The following MME variants were observed in gnomAD, a reference collection of about 807,000 sequenced individuals.
The protein encoded by MME is neprilysin.
MME carries 98 observed loss-of-function variants against 113.2 expected under a neutral mutation model. The observed-to-expected ratio is 0.87, with a 90% CI of 0.74 to 1.02. The LOEUF is 1.02. Ranked by LOEUF, MME falls within the 50% of genes least tolerant of loss-of-function variation. The pLI is 0.00. For synonymous variants in MME, 292 were observed against 300.6 expected (o/e 0.97, Z 0.30); for missense variants, 836 against 896.0 (o/e 0.93, Z 0.86).
At chr3:155,056,567 C>T (rs1713935613) in intron 1 of MME, among the ~76,000 whole-genome samples, 2 of 150,100 alleles carry the variant, frequency 1.3e-5, no homozygotes, top group South Asian at 4.3e-4. Flanking sequence ...TTTCTTAATC[C>T]AGTCTATCAT....
chr3:155,105,117 T>C (rs1231143805), intron 3 of MME, among the ~76,000 whole-genome samples: 1 of 152,162 alleles, frequency 6.6e-6, no homozygotes, highest in African/African-American at 2.4e-5. Context: ...TGAAATGGAC[T>C]ATGAGATAAG....
chr3:155,130,132 A>G lies in MME; in HGVS notation c.721-7970A>G, dbSNP rs77710702. 3.3e-5 allele frequency among the ~76,000 whole-genome samples: 5 copies of G among 152,342 alleles called. No homozygotes were observed. The East Asian group carries it at 9.7e-4, about 29-fold the overall frequency. ...ATCCAAAATATTTGAGCATAATTAC[A>G]TAATAGATATGTTTATGCTCTGTAC... On this transcript the variant is annotated intron_variant, in intron 8 of 22. Coordinates refer to ENST00000360490, the MANE Select transcript of MME (RefSeq NM_007289.4).
At chr3:155,108,262 G>A (rs1717863540) in intron 3 of MME, among the ~76,000 whole-genome samples, 1 of 152,030 alleles carries the variant, frequency 6.6e-6, no homozygotes, top group African/African-American at 2.4e-5. Flanking sequence ...ATTCATATGG[G>A]AAACCATCAA....
chr3:155,067,105 G>A (rs1714404088), intron 1 of MME, among the ~76,000 whole-genome samples: 1 of 149,452 alleles, frequency 6.7e-6, no homozygotes, highest in African/African-American at 2.5e-5. Flanking sequence ...TAATGTTGAA[G>A]AAAGCTATGC....
intron 3 of MME, chr3:155,090,496 G>T (rs976987782): frequency 1.3e-5 from 2 of 152,008 alleles, no homozygotes; most frequent in African/African-American, 4.8e-5. Flanking sequence ...AAAATAAAAC[G>T]ATTATAATAT....
intron 3 of MME, chr3:155,112,156 T>G (rs930573171): frequency 2.6e-5 from 4 of 152,172 alleles, no homozygotes; most frequent in African/African-American, 9.7e-5. Context: ...AGAATATGCA[T>G]TTTCTATTTT....
At chr3:155,116,589 A>ATTATATATAT in intron 5 of MME, 30 bp downstream of exon 5, 2 of 1,047,932 alleles carry the variant, frequency 1.9e-6, no homozygotes, top group Admixed American at 2.2e-5. Context: ...TTTCATTAGG[A>ATTATATATAT]GTATATATAT....
chr3:155,162,491 T>C (rs1559959672), intron 17 of MME, among the ~76,000 whole-genome samples: 1 of 151,968 alleles, frequency 6.6e-6, no homozygotes, highest in Non-Finnish European at 1.5e-5. Context: ...ATTCTGAATA[T>C]ATAAAAAAGA....
rs1164690243 is a variant in MME, at chr3:155,080,429, C to G, written c.-48C>G. 1 of 152,182 alleles carries G rather than the reference C, an allele frequency of 6.6e-6. No homozygotes were observed. The allele number at this position is 152,182 out of a possible 1,614,324, so 9.4% of individuals were successfully genotyped here. A position where few individuals can be genotyped will look rare whatever the true frequency, so the allele number is the denominator to read the frequency against. ...GCTGGGAATTTGCCATTCTGCTGTA[C>G]AGACACTGATTTTTTTTTCTTCTTT... is the stretch of plus-strand genomic sequence containing the variant. On this transcript the variant is annotated 5_prime_UTR_variant, in exon 1 of 23. Transcript: ENST00000360490.
chr3:155,085,526 TA>T (rs1715616954), intron 3 of MME: 8 of 152,684 alleles, frequency 5.2e-5, no homozygotes, highest in Admixed American at 2.6e-4. Flanking sequence ...TCATTTTATT[TA>T]TTTTTTTTAT....
chr3:155,048,328 AACTC>A (rs2108125984), intron 1 of MME, among the ~76,000 whole-genome samples: 1 of 152,328 alleles, frequency 6.6e-6, no homozygotes, highest in Non-Finnish European at 1.5e-5. Flanking sequence ...ATAAATGGGA[AACTC>A]ACTCAATATG....
chr3:155,044,661 G>A lies in MME; in HGVS notation c.-11+20337G>A, dbSNP rs574123250. 5.7e-4 allele frequency among the ~76,000 whole-genome samples: 86 copies of A among 151,986 alleles called. 1 individual carries two copies. Among genetic ancestry groups the A allele is most frequent in the African/African-American group, 1.9e-3 (80 of 41,472 alleles). ...CAGCCTCCTGAGTATCTTCTTAATTGGAATGTTTATAGTGTTTCTCCATTA... is the reference window on the plus strand; with the variant it reads ...CAGCCTCCTGAGTATCTTCTTAATTAGAATGTTTATAGTGTTTCTCCATTA... On this transcript the variant is annotated intron_variant, in intron 1 of 22. Coordinates refer to the MME transcript ENST00000492661.
chr3:155,143,557 G>A lies in MME; in HGVS notation c.1303G>A (p.Glu435Lys), dbSNP rs1323095550. Residue 435 changes from glutamate to lysine, a missense_variant, in exon 13 of 23, where the codon GAG (glutamate) becomes AAG (lysine). Physicochemically the swap from Glu to Lys is moderately conservative, Grantham distance 56 (BLOSUM62 1). Coordinates refer to ENST00000360490, the MANE Select transcript of MME (RefSeq NM_007289.4). ...TTATGTGGAAGCAGCATTTGCTGGA[G>A]AGAGTAAACATGTGGTAATGTTTTC... ...RLYVEAAFAG[E>K]SKHVVEDLIA... 1.2e-6 allele frequency: 2 copies of A among 1,612,308 alleles called. No individual in the cohort carries two copies. Among genetic ancestry groups the A allele is most frequent in the South Asian group, 1.1e-5 (1 of 91,032 alleles).
chr3:155,128,927 A>C (rs1719917269), intron 8 of MME, among the ~76,000 whole-genome samples: 1 of 152,196 alleles, frequency 6.6e-6, no homozygotes, highest in Non-Finnish European at 1.5e-5. Context: ...TCAATAGCTA[A>C]TAGCATACAT....
At chr3:155,116,339 TGAATGTACCTCCA>T (rs1718601814) in intron 4 of MME, 127 bp from the exon 5 acceptor site, 1 of 676,774 alleles carries the variant, frequency 1.5e-6, no homozygotes, top group Non-Finnish European at 2.7e-6. Flanking sequence ...GGGGAGGAAA[TGAATGTACCTCCA>T]GAAAAGCAAG....
At chr3:155,102,729 G>C (rs774301074) in intron 3 of MME, among the ~76,000 whole-genome samples, 4 of 152,158 alleles carry the variant, frequency 2.6e-5, no homozygotes, top group African/African-American at 7.2e-5. Context: ...ACCTCAGCAA[G>C]AATGAGGTCT....
upstream of MME, among the ~76,000 whole-genome samples, chr3:155,076,490 A>T (rs1237921446): frequency 1.3e-5 from 2 of 152,210 alleles, no homozygotes; most frequent in East Asian, 3.8e-4. Context: ...CAGCACTCAC[A>T]TATCCTTCTT....
intron 8 of MME, among the ~76,000 whole-genome samples, chr3:155,121,427 G>A (rs1719119427): frequency 6.6e-6 from 1 of 150,546 alleles, no homozygotes; most frequent in African/African-American, 2.4e-5. Flanking sequence ...TTGCCTAATT[G>A]CCCTGGCCAG....
chr3:155,142,417 T>C (rs992086897), intron 12 of MME, 87 bp downstream of exon 12: 14 of 1,108,266 alleles, frequency 1.3e-5, no homozygotes, highest in Non-Finnish European at 1.8e-5. Context: ...TGCTAGGACA[T>C]GGTGAACTTT....
Sources: gnomAD v4.1 joint callset for allele counts (sites outside exome capture counted in the v4.1 genomes callset) on GRCh38, gnomAD v4.1.1 for gene constraint, MANE v1.5 for transcripts, NCBI Gene and HGNC (gene_info 2026-07-23, HGNC 2026-07-21) for gene names.